Variants in ENOX1 observed in about 807,000 individuals in gnomAD.
ENOX1 encodes the protein candidate growth-related and time keeping constitutive hydroquinone (NADH) oxidase.
Under a neutral mutation model 82.5 loss-of-function variants are expected in ENOX1, and 42 were observed. The ratio of observed to expected loss-of-function variants is 0.51; its 90% CI spans 0.40 to 0.66. ENOX1 has a LOEUF of 0.66. ENOX1 is among the 30% of genes least tolerant of loss of function. ENOX1 has a pLI of 0.00. For missense variants in ENOX1, 608 were observed against 811.6 expected, an observed-to-expected ratio of 0.75 and a Z score of 3.05; for synonymous variants, 271 against 282.2, an observed-to-expected ratio of 0.96 and a Z score of 0.40.
intron 11 of ENOX1, among the ~76,000 whole-genome samples, chr13:43,320,662 G>C (rs1026526157): frequency 6.6e-6 from 1 of 151,996 alleles, no homozygotes; most frequent in Non-Finnish European, 1.5e-5. Context: ...ACATCACCAA[G>C]ACAAAACAAA....
At chr13:43,759,056 G>A (rs899383707) in intron 1 of ENOX1, among the ~76,000 whole-genome samples, 1 of 147,942 alleles carries the variant, frequency 6.8e-6, no homozygotes, top group African/African-American at 2.5e-5. Context: ...GAAACAGAAA[G>A]TTAAGTAAGT....
chr13:43,621,781 G>A (rs1052409078), intron 2 of ENOX1, among the ~76,000 whole-genome samples: 3 of 152,066 alleles, frequency 2.0e-5, no homozygotes, highest in Non-Finnish European at 4.4e-5. Context: ...TGTGCTTCTT[G>A]TTTTTGGATG....
chr13:43,697,770 G>A (rs2086711974), intron 1 of ENOX1, among the ~76,000 whole-genome samples: 1 of 152,182 alleles, frequency 6.6e-6, no homozygotes, highest in African/African-American at 2.4e-5. Context: ...GTCTGAATAC[G>A]AGTAACCAGA....
chr13:43,769,559 GAGA>G (rs1566904668), intron 1 of ENOX1, among the ~76,000 whole-genome samples: 2 of 152,312 alleles, frequency 1.3e-5, no homozygotes, highest in East Asian at 3.9e-4. Context: ...TACTGGAATG[GAGA>G]AGGAGATAGT....
intron 2 of ENOX1, among the ~76,000 whole-genome samples, chr13:43,583,700 CATT>C (rs1278007265): frequency 6.6e-6 from 1 of 152,108 alleles, no homozygotes; most frequent in African/African-American, 2.4e-5. Context: ...TTGCAGCACT[CATT>C]ATATATTTTT....
rs571217963 is a variant in ENOX1 at position 43,555,986 on chromosome 13, T to C, written c.-218-71834A>G. 2.0e-5 allele frequency among the ~76,000 whole-genome samples: 3 copies of C among 152,266 alleles called. No homozygotes were observed. In the East Asian group the frequency reaches 5.8e-4, roughly 29 times the overall value. ...CTTACCTCCTCCCACATTTAACAGT[T>C]CTCAATCTTCTCAAATCTCCCCTTA... On this transcript the variant is annotated intron_variant, in intron 2 of 16. Transcript: ENST00000690772.
intron 2 of ENOX1, among the ~76,000 whole-genome samples, chr13:43,626,161 G>A (rs2082952377): frequency 6.6e-6 from 1 of 151,728 alleles, no homozygotes; most frequent in Non-Finnish European, 1.5e-5. Flanking sequence ...ATTTCCTTTT[G>A]ATGTCTGCAG....
chr13:43,457,257 G>A (rs2057276785), intron 3 of ENOX1, among the ~76,000 whole-genome samples: 1 of 152,098 alleles, frequency 6.6e-6, no homozygotes, highest in Admixed American at 6.5e-5. Flanking sequence ...AACTTTATGA[G>A]TTACTTGGAC....
intron 3 of ENOX1, among the ~76,000 whole-genome samples, chr13:43,449,601 A>ACTTTCATAAG (rs2056848551): frequency 6.6e-6 from 1 of 152,242 alleles, no homozygotes. Context: ...TCATAAGGCA[A>ACTTTCATAAG]AAGTTCATAT....
At chr13:43,375,957 G>A (rs2051603383) in intron 5 of ENOX1, among the ~76,000 whole-genome samples, 1 of 152,190 alleles carries the variant, frequency 6.6e-6, no homozygotes, top group South Asian at 2.1e-4. Context: ...AAGTGCACAC[G>A]TTGTGGAAGA....
intron 2 of ENOX1, among the ~76,000 whole-genome samples, chr13:43,647,593 T>C (rs1156849140): frequency 6.6e-6 from 1 of 152,222 alleles, no homozygotes; most frequent in Non-Finnish European, 1.5e-5. Context: ...CTCTCTGTTC[T>C]GCAATATACA....
intron 8 of ENOX1, among the ~76,000 whole-genome samples, chr13:43,349,550 T>C (rs910393584): frequency 1.5e-5 from 2 of 129,998 alleles, no homozygotes; most frequent in Admixed American, 1.5e-4. Context: ...ATAGTAGGCA[T>C]TACAAAACTG....
Position 43,417,944 on chromosome 13 carries a change from C to T in ENOX1, c.-74-4956G>A, listed in dbSNP as rs556523216. Among the ~76,000 whole-genome samples the T allele has an allele frequency of 5.6e-4, 85 of 152,176 alleles. 2 individuals are homozygous for T. The highest frequency in any genetic ancestry group is 1.6e-4 in the Non-Finnish European group (11 of 68,034). ...ATGAGGTAGGCCAGGTGCGGTGACT[C>T]ACACCTGTAATCCCAGCACTTTGGG... On this transcript the variant is annotated intron_variant, in intron 3 of 16. Transcript: ENST00000690772.
intron 11 of ENOX1, among the ~76,000 whole-genome samples, chr13:43,319,741 C>T (rs559745583): frequency 2.0e-5 from 3 of 152,268 alleles, no homozygotes; most frequent in African/African-American, 7.2e-5. Flanking sequence ...CCAAGAATTC[C>T]TGGGTCAGCT....
At chr13:43,516,193 T>G (rs1252393092) in intron 2 of ENOX1, among the ~76,000 whole-genome samples, 1 of 152,158 alleles carries the variant, frequency 6.6e-6, no homozygotes, top group East Asian at 1.9e-4. Context: ...TCTGAATCCC[T>G]GTGTTCATTG....
chr13:43,665,450 C>T (rs894224354), intron 2 of ENOX1, among the ~76,000 whole-genome samples: 7 of 152,008 alleles, frequency 4.6e-5, no homozygotes, highest in Non-Finnish European at 8.8e-5. Flanking sequence ...GAAGAAGACG[C>T]GATTAGGGCA....
chr13:43,766,573 T>C (rs955125441), intron 1 of ENOX1, among the ~76,000 whole-genome samples: 16 of 152,186 alleles, frequency 1.1e-4, no homozygotes, highest in Non-Finnish European at 2.1e-4. Context: ...AGGTAAACTT[T>C]GGAGCACTGA....
intron 11 of ENOX1, among the ~76,000 whole-genome samples, chr13:43,320,869 C>G (rs566826549): frequency 6.6e-6 from 1 of 152,176 alleles, no homozygotes; most frequent in Non-Finnish European, 1.5e-5. Context: ...GAAATTCACA[C>G]AAATCCTTGC....
intron 3 of ENOX1, among the ~76,000 whole-genome samples, chr13:43,474,850 G>T (rs2058213489): frequency 6.6e-6 from 1 of 152,102 alleles, no homozygotes; most frequent in Admixed American, 6.5e-5. Flanking sequence ...GATTTCAGCA[G>T]GTCTATTACT....
Sources: gnomAD v4.1 joint callset for allele counts (sites outside exome capture counted in the v4.1 genomes callset) on GRCh38, gnomAD v4.1.1 for gene constraint, MANE v1.5 for transcripts, NCBI Gene and HGNC (gene_info 2026-07-23, HGNC 2026-07-21) for gene names.